SYNE3: variants seen among roughly 807,000 people sequenced by gnomAD.
SYNE3 encodes nesprin-3.
SYNE3 carries 100 observed loss-of-function variants against 111.2 expected under a neutral mutation model. That is an observed-to-expected ratio of 0.90 (90% confidence interval 0.77 to 1.06). The LOEUF (loss-of-function observed/expected upper bound fraction) is 1.06, where lower values mean the gene tolerates loss of function less well. Among genes scored for constraint, SYNE3 ranks in the 50% least tolerant of loss-of-function variants. SYNE3 has a pLI of 0.00. For missense variants in SYNE3, 1,160 were observed against 1,240.3 expected (o/e 0.94, Z 0.97); for synonymous variants, 547 against 533.9 (o/e 1.02, Z -0.34).
intron 1 of SYNE3, among the ~76,000 whole-genome samples, chr14:95,503,087 AT>A (rs1223107137): frequency 6.6e-6 from 1 of 152,240 alleles, no homozygotes; most frequent in Admixed American, 6.5e-5. Context: ...AATTAATCCC[AT>A]TAGCAAGCCT....
chr14:95,428,056 G>C (rs1885539006), intron 17 of SYNE3, among the ~76,000 whole-genome samples: 1 of 152,194 alleles, frequency 6.6e-6, no homozygotes, highest in Non-Finnish European at 1.5e-5. Context: ...CATCTGATTG[G>C]AAAGCCCACA....
chr14:95,407,446 C>T lies in SYNE3; in HGVS notation c.*10380G>A, dbSNP rs1467087550. ...AAAATATAGCACTAAGAAGAAACTC[C>T]GGGGTCCTGGTGTTCCTCCCTGGAT... On this transcript the variant is annotated 3_prime_UTR_variant, in exon 18 of 18. Coordinates refer to ENST00000682763, the MANE Select transcript of SYNE3 (RefSeq NM_152592.6). 1 of 152,086 alleles carries T rather than the reference C, an allele frequency of 6.6e-6. No homozygotes were observed. Among genetic ancestry groups the T allele is most frequent in the Admixed American group, 6.6e-5 (1 of 15,266 alleles). 9.4% of individuals were successfully genotyped at this position (152,086 alleles called of 1,614,324 possible).
At chr14:95,494,191 G>A (rs549486151) in intron 1 of SYNE3, among the ~76,000 whole-genome samples, 8 of 152,258 alleles carry the variant, frequency 5.3e-5, no homozygotes, top group East Asian at 1.9e-4. Context: ...TGTGCCTGGC[G>A]CGGTGCCACT....
intron 1 of SYNE3, among the ~76,000 whole-genome samples, chr14:95,490,574 T>TTACCCTGAACTA (rs1242097988): frequency 1.3e-5 from 2 of 152,254 alleles, no homozygotes; most frequent in Non-Finnish European, 2.9e-5. Context: ...AGGCTTCCTG[T>TTACCCTGAACTA]TACCCTGAAC....
intron 1 of SYNE3, among the ~76,000 whole-genome samples, chr14:95,490,170 G>A (rs193253700): frequency 2.2e-4 from 33 of 152,340 alleles, no homozygotes; most frequent in African/African-American, 4.8e-4. Flanking sequence ...GGAAATACAC[G>A]CTGCTGAGAG....
intron 10 of SYNE3, 173 bp downstream of exon 10, chr14:95,444,305 GGAACCAT>G (rs1375814412): frequency 1.3e-5 from 10 of 792,598 alleles, no homozygotes; most frequent in Non-Finnish European, 1.7e-5. Flanking sequence ...TTTGAGGTCA[GGAACCAT>G]CAGATAAATA....
intron 1 of SYNE3, among the ~76,000 whole-genome samples, chr14:95,489,100 C>T (rs932939663): frequency 2.6e-5 from 4 of 152,342 alleles, no homozygotes; most frequent in African/African-American, 9.6e-5. Context: ...CCAACAGGGA[C>T]CTGCTCCAAT....
At chr14:95,515,420 G>A (rs1890883406) in intron 1 of SYNE3, among the ~76,000 whole-genome samples, 1 of 152,212 alleles carries the variant, frequency 6.6e-6, no homozygotes, top group Non-Finnish European at 1.5e-5. Context: ...TGCCCTGGAA[G>A]TGCAGGCGGC....
At position 95,485,665 on chromosome 14, in the gene SYNE3, T is replaced by C. The variant is rs1192174829; in HGVS notation, c.-14-9830A>G. On this transcript the variant is annotated intron_variant, in intron 1 of 17. Coordinates refer to ENST00000682763, the MANE Select transcript of SYNE3 (RefSeq NM_152592.6). This position sits in a 1 kb window ranked among gnomAD's most constrained non-coding sequence, Gnocchi z 4.3. Reference sequence around the variant, plus strand: ...CTCCCTCTCCCCTTACACCACTCCCTCTAGGATACCCAGCATCCCCACAGG... The same window carrying C: ...CTCCCTCTCCCCTTACACCACTCCCCCTAGGATACCCAGCATCCCCACAGG... Among the ~76,000 whole-genome samples the C allele has an allele frequency of 6.6e-6, 1 of 151,874 alleles. No homozygotes were observed. The highest frequency in any genetic ancestry group is 2.4e-5 in the African/African-American group (1 of 41,332).
chr14:95,490,728 C>T (rs1297168443), intron 1 of SYNE3, among the ~76,000 whole-genome samples: 2 of 152,224 alleles, frequency 1.3e-5, no homozygotes, highest in Non-Finnish European at 2.9e-5. Flanking sequence ...GGTGGCCTGA[C>T]TCCACAGCTC....
intron 16 of SYNE3, among the ~76,000 whole-genome samples, chr14:95,432,674 A>G (rs973166196): frequency 2.5e-4 from 32 of 126,828 alleles, no homozygotes; most frequent in Middle Eastern, 4.4e-3. Context: ...TATTATTATT[A>G]TTATTTGGTG....
At chr14:95,482,670 C>G (rs1045147339) in intron 1 of SYNE3, among the ~76,000 whole-genome samples, 2 of 152,032 alleles carry the variant, frequency 1.3e-5, no homozygotes, top group African/African-American at 4.8e-5. Flanking sequence ...AACTGAGACT[C>G]GGAGACACAA....
At chr14:95,498,716 T>C (rs72694804) in intron 1 of SYNE3, among the ~76,000 whole-genome samples, 13,599 of 152,204 alleles carry the variant, frequency 0.089, 670 homozygotes, top group African/African-American at 0.11. Context: ...AGATTCCTCA[T>C]TTGTAAAATG....
intron 17 of SYNE3, among the ~76,000 whole-genome samples, chr14:95,426,616 C>A (rs1053208516): frequency 6.6e-6 from 1 of 151,996 alleles, no homozygotes; most frequent in African/African-American, 2.4e-5. Flanking sequence ...GGGCGGCAAG[C>A]CACCCAGGTG....
Position 95,413,546 on chromosome 14 carries a change from G to C in SYNE3, c.*4280C>G, listed in dbSNP as rs1903488238. On this transcript the variant is annotated 3_prime_UTR_variant, in exon 18 of 18. Coordinates refer to ENST00000682763, the MANE Select transcript of SYNE3 (RefSeq NM_152592.6). ...GGGCAGGATGATGCCACCGGTCCCA[G>C]TTTGCCAGCTGTAAAATCCATTAGG... 2 of 152,392 alleles carry C rather than the reference G, an allele frequency of 1.3e-5. No individual in the cohort carries two copies. Among genetic ancestry groups the C allele is most frequent in the African/African-American group, 4.8e-5 (2 of 41,446 alleles). 9.4% of individuals were successfully genotyped at this position (152,392 alleles called of 1,614,324 possible).
In SYNE3 at chr14:95,436,821, T is replaced by C. The variant is rs1331773091; in HGVS notation, c.2537A>G (p.Gln846Arg). 1.7e-5 allele frequency: 27 copies of C among 1,614,036 alleles called. No individual in the cohort carries two copies. The highest frequency in any genetic ancestry group is 2.2e-5 in the Non-Finnish European group (26 of 1,180,038). Residue 846 changes from glutamine to arginine, a missense_variant and splice_region_variant, in exon 15 of 18, where the codon CAG (glutamine) becomes CGG (arginine). By Grantham distance (43) the Gln-to-Arg change is conservative. Transcript: ENST00000682763. ...EDLRTRKSKLQELEARVPEGQ... is the reference protein window; with the variant it reads ...EDLRTRKSKLRELEARVPEGQ... ...AGGGACCTTTCCTGGGGAACAGACC[T>C]GCAGCTTCGATTTTCTGGTCCTCAA...
chr14:95,466,690 C>G (rs1023378896), intron 3 of SYNE3, among the ~76,000 whole-genome samples: 2 of 152,236 alleles, frequency 1.3e-5, no homozygotes, highest in African/African-American at 4.8e-5. Context: ...ATTTTAGGAG[C>G]AGACTGCGGT....
chr14:95,421,199 C>T (rs533164058), intron 17 of SYNE3, among the ~76,000 whole-genome samples: 17 of 152,222 alleles, frequency 1.1e-4, no homozygotes, highest in East Asian at 5.8e-4. Flanking sequence ...AGCATGAAAA[C>T]GGACTAATAC....
chr14:95,480,899 C>T (rs919053435), intron 1 of SYNE3, among the ~76,000 whole-genome samples: 1 of 152,246 alleles, frequency 6.6e-6, no homozygotes, highest in Non-Finnish European at 1.5e-5. Context: ...GCAGCCCCAG[C>T]CCATCTCAGC....
Sources: gnomAD v4.1 joint callset for allele counts (sites outside exome capture counted in the v4.1 genomes callset) on GRCh38, gnomAD v4.1.1 for gene constraint, Gnocchi (gnomAD v3.1) non-coding constraint, MANE v1.5 for transcripts, NCBI Gene and HGNC (gene_info 2026-07-23, HGNC 2026-07-21) for gene names.